POLA1: variants seen among roughly 807,000 people sequenced by gnomAD.
The protein encoded by POLA1 is DNA polymerase alpha catalytic subunit.
Under a neutral mutation model 124.0 loss-of-function variants are expected in POLA1, and 15 were observed. The ratio of observed to expected loss-of-function variants is 0.12; its 90% CI spans 0.08 to 0.19. The LOEUF (loss-of-function observed/expected upper bound fraction) is 0.19, where lower values mean the gene tolerates loss of function less well. POLA1 is among the 10% of genes least tolerant of loss of function. The pLI, the probability that POLA1 is intolerant of heterozygous loss-of-function variation, is 1.00. For synonymous variants in POLA1, 408 were observed against 389.4 expected (o/e 1.05, Z -0.56); for missense variants, 886 against 1,103.4 (o/e 0.80, Z 2.79).
chrX:24,954,570 A>T (rs751307294), intron 36 of POLA1, among the ~76,000 whole-genome samples: 1 of 112,694 alleles, frequency 8.9e-6, no homozygotes, highest in Non-Finnish European at 1.9e-5. Flanking sequence ...TACCTTGAGC[A>T]ACTCCAAAGG....
intron 36 of POLA1, among the ~76,000 whole-genome samples, chrX:24,950,046 A>T (rs1195385585): frequency 1.8e-5 from 2 of 111,976 alleles, no homozygotes; most frequent in African/African-American, 6.5e-5. Flanking sequence ...TATACTTTTC[A>T]AAGCACTTTC....
At chrX:24,848,024 T>C (rs1022909409) in intron 34 of POLA1, among the ~76,000 whole-genome samples, 2 of 111,891 alleles carry the variant, frequency 1.8e-5, no homozygotes, top group Non-Finnish European at 3.8e-5. Flanking sequence ...CTTTAATTTG[T>C]TTTTTCCCCA....
At chrX:24,759,498 G>A (rs1004669774) in intron 26 of POLA1, among the ~76,000 whole-genome samples, 1 of 111,815 alleles carries the variant, frequency 8.9e-6, no homozygotes, top group African/African-American at 3.3e-5. Context: ...TTATAGATGG[G>A]TAGATAGGGA....
chrX:24,925,063 T>C (rs970098563), intron 35 of POLA1, among the ~76,000 whole-genome samples: 2 of 112,425 alleles, frequency 1.8e-5, no homozygotes, highest in African/African-American at 3.2e-5. Flanking sequence ...CTGAATCTGC[T>C]ATATGGTATG....
At position 24,815,056 on chromosome X, in the gene POLA1, T is replaced by A; in HGVS notation, c.3374T>A (p.Ile1125Asn). The change falls in exon 30 of 37, where the codon ATT (isoleucine) becomes AAT (asparagine). Residue 1125 changes from isoleucine to asparagine, a missense_variant. Physicochemically the swap from Ile to Asn is moderately radical, Grantham distance 149 (BLOSUM62 -3). This residue lies in a region of POLA1 where 313 missense variants were observed against 359.7 expected (regional missense o/e 0.87). Transcript: ENST00000379068. ...VENIQKRLIE[I>N]GENVLNGSVP... ...AACATTCAGAAGAGGCTGATAGAAATTGGAGAAAATGTGCTAAATGGCAGT... is the reference window on the plus strand; with the variant it reads ...AACATTCAGAAGAGGCTGATAGAAAATGGAGAAAATGTGCTAAATGGCAGT... The A allele has an allele frequency of 1.7e-6, 2 of 1,198,847 alleles. No homozygotes were observed. Among genetic ancestry groups the A allele is most frequent in the Non-Finnish European group, 2.3e-6 (2 of 888,385 alleles).
intron 36 of POLA1, among the ~76,000 whole-genome samples, chrX:24,948,243 A>C (rs1463129258): frequency 1.8e-5 from 2 of 111,934 alleles, no homozygotes; most frequent in Non-Finnish European, 3.8e-5. Context: ...TATAGCGTTG[A>C]TAACAGTTTA....
rs1472372387 is a variant in POLA1 at position 24,815,120 on chromosome X, A to G, written c.3429+9A>G. ...AGTTTGAAATTAACAAGGTAAATGT[A>G]GCATTTATTGCTGAGCCCAGCTGCT... On this transcript the variant is annotated intron_variant, in intron 30 of 36. Coordinates refer to ENST00000379068, the MANE Select transcript of POLA1 (RefSeq NM_001330360.2). 2.5e-6 allele frequency: 3 copies of G among 1,197,575 alleles called. No individual in the cohort carries two copies. Among genetic ancestry groups the G allele is most frequent in the African/African-American group, 1.8e-5 (1 of 56,545 alleles).
chrX:24,810,295 G>T (rs948734025), intron 27 of POLA1, among the ~76,000 whole-genome samples: 1 of 111,488 alleles, frequency 9.0e-6, no homozygotes, highest in African/African-American at 3.3e-5. Flanking sequence ...ATATGGATTT[G>T]TGCCCCTGAA....
At position 24,962,541 on chromosome X, in the gene POLA1, G is replaced by A. The variant is rs769292687; in HGVS notation, c.4261+31992G>A. Among the ~76,000 whole-genome samples the A allele has an allele frequency of 4.5e-5, 5 of 111,620 alleles. No homozygotes were observed. The South Asian group carries it at 1.5e-3, about 33-fold the overall frequency. ...ATCACAGTAAGGATAAGGACTTTGC[G>A]TACATTTTGTTTAACCTTTAAAAAC... is the stretch of plus-strand genomic sequence containing the variant. On this transcript the variant is annotated intron_variant, in intron 36 of 36. Transcript: ENST00000379068.
intron 34 of POLA1, among the ~76,000 whole-genome samples, chrX:24,853,941 A>T (rs2046603316): frequency 8.9e-6 from 1 of 112,323 alleles, no homozygotes; most frequent in African/African-American, 3.2e-5. Flanking sequence ...TTTTACTTTC[A>T]TTGAGGACTT....
chrX:24,716,001 C>T (rs1929802710), intron 6 of POLA1, among the ~76,000 whole-genome samples: 2 of 111,470 alleles, frequency 1.8e-5, no homozygotes, highest in Non-Finnish European at 3.8e-5. Flanking sequence ...ACTACGCTCT[C>T]ATTTAGAAGT....
chrX:24,800,924 C>G (rs906430127), intron 26 of POLA1, among the ~76,000 whole-genome samples: 1 of 112,056 alleles, frequency 8.9e-6, no homozygotes, highest in Admixed American at 9.4e-5. Flanking sequence ...GAGAGATACT[C>G]ATAAATCGTA....
In POLA1 at chrX:24,745,155, G is replaced by A. The variant is rs780010182; in HGVS notation, c.2567-263G>A. Among the ~76,000 whole-genome samples the A allele has an allele frequency of 4.6e-5, 5 of 108,911 alleles. No individual in the cohort carries two copies. The South Asian group carries it at 2.1e-3, about 45-fold the overall frequency. 94.6% of individuals were successfully genotyped at this position (108,911 alleles called of 115,157 possible). A position where few individuals can be genotyped will look rare whatever the true frequency, so the allele number is the denominator to read the frequency against. Reference sequence around the variant, plus strand: ...ATAATGGTGTGCTTTGGGGACAGCTGGGGAAAGGACTGGTTGTAGCTGGTT... The same window carrying A: ...ATAATGGTGTGCTTTGGGGACAGCTAGGGAAAGGACTGGTTGTAGCTGGTT... On this transcript the variant is annotated intron_variant, in intron 23 of 36. Transcript: ENST00000379068.
At position 24,724,348 on chromosome X, in the gene POLA1, A is replaced by G. The variant is rs2148358082; in HGVS notation, c.1214A>G (p.Asn405Ser). The change falls in exon 12 of 37, where the codon AAT (asparagine) becomes AGT (serine). Residue 405 changes from asparagine to serine, a missense_variant. Coordinates refer to ENST00000379068, the MANE Select transcript of POLA1 (RefSeq NM_001330360.2). ...CTGGGATAACAGAAAATTGATCTAA[A>G]TACGGGGAAAGAAACAGGAACTCCA... Reference protein sequence around the residue: ...FLPREMKIDLNTGKETGTPIS... With the variant: ...FLPREMKIDLSTGKETGTPIS... 9.1e-7 allele frequency: 1 copy of G among 1,098,883 alleles called. No homozygotes were observed. The highest frequency in any genetic ancestry group is 2.3e-5 in the Admixed American group (1 of 43,220). The allele number at this position is 1,098,883 out of a possible 1,213,427, so 90.6% of individuals were successfully genotyped here. A position where few individuals can be genotyped will look rare whatever the true frequency, so the allele number is the denominator to read the frequency against.
chrX:24,760,463 A>G (rs1287236272), intron 26 of POLA1, among the ~76,000 whole-genome samples: 2 of 112,177 alleles, frequency 1.8e-5, no homozygotes, highest in African/African-American at 6.5e-5. Context: ...TATGTTAGCC[A>G]TGCTGAGTCT....
chrX:24,735,353 C>T (rs748551265), intron 17 of POLA1, 46 bp from the exon 18 acceptor site: 10 of 781,330 alleles, frequency 1.3e-5, no homozygotes, highest in East Asian at 9.5e-5. Context: ...ACAGTACTTG[C>T]GGACAGTAAA....
At chrX:24,867,511 A>T (rs573356201) in intron 34 of POLA1, among the ~76,000 whole-genome samples, 5 of 111,830 alleles carry the variant, frequency 4.5e-5, no homozygotes, top group African/African-American at 1.6e-4. Context: ...AATGTAAGCT[A>T]GTTTTCTACT....
Position 24,826,525 on chromosome X carries a change from G to A in POLA1, c.3660G>A (p.Gln1220=). 8.3e-7 allele frequency: 1 copy of A among 1,206,132 alleles called. No homozygotes were observed. The highest frequency in any genetic ancestry group is 1.1e-6 in the Non-Finnish European group (1 of 891,061). The change falls in exon 32 of 37, where the codon CAG becomes CAA. Residue 1220 remains glutamine, a synonymous_variant. Coordinates refer to ENST00000379068, the MANE Select transcript of POLA1 (RefSeq NM_001330360.2). ...TTGACACCCAGTACTACCTGGCCCA[G>A]CAGATCCACCCAGTCGTGGCTCGGA... is the stretch of plus-strand genomic sequence containing the variant. ...LTIDTQYYLA[Q]QIHPVVARIC... is the part of the protein sequence containing the mutation.
chrX:24,975,770 A>G (rs73471591), intron 36 of POLA1, among the ~76,000 whole-genome samples: 5,378 of 112,579 alleles, frequency 0.048, 324 homozygotes, highest in African/African-American at 0.17. Context: ...TCTGTGAAGC[A>G]GAATGGGGAA....
Sources: gnomAD v4.1 joint callset for allele counts (sites outside exome capture counted in the v4.1 genomes callset) on GRCh38, gnomAD v4.1.1 for gene constraint, gnomAD v4.1.1 regional missense constraint, MANE v1.5 for transcripts, NCBI Gene and HGNC (gene_info 2026-07-23, HGNC 2026-07-21) for gene names.